The following FBXL7 variants were observed in gnomAD, a reference collection of about 807,000 sequenced individuals.
The protein encoded by FBXL7 is F-box and leucine rich repeat protein 7, also known as F-box/LRR-repeat protein 7.
A neutral mutation model predicts 38.3 loss-of-function variants in FBXL7; 12 were observed. The ratio of observed to expected loss-of-function variants is 0.31; its 90% CI spans 0.20 to 0.51. The LOEUF (loss-of-function observed/expected upper bound fraction) is 0.51. Among genes scored for constraint, FBXL7 ranks in the 20% least tolerant of loss-of-function variants. The pLI is 0.98. For synonymous variants in FBXL7, 297 were observed against 300.9 expected, an observed-to-expected ratio of 0.99 and a Z score of 0.13; for missense variants, 567 against 676.4, an observed-to-expected ratio of 0.84 and a Z score of 1.79.
chr5:15,832,950 T>A (rs936885110), intron 2 of FBXL7, among the ~76,000 whole-genome samples: 1 of 152,040 alleles, frequency 6.6e-6, no homozygotes, highest in Non-Finnish European at 1.5e-5. Flanking sequence ...GCTATTCTCA[T>A]GATAGTGAAT....
intron 2 of FBXL7, among the ~76,000 whole-genome samples, chr5:15,801,658 C>T (rs6887642): frequency 0.66 from 79,810 of 121,278 alleles, 22,169 homozygotes; most frequent in Middle Eastern, 0.7. Flanking sequence ...TGTGTGTGTG[C>T]GCGCGCGCGT....
rs1301314745 is a variant in FBXL7 at position 15,939,704 on chromosome 5, T to A, written c.*2518T>A. The A allele has an allele frequency of 6.6e-6, 1 of 152,668 alleles. No individual in the cohort carries two copies. The highest frequency in any genetic ancestry group is 1.5e-5 in the Non-Finnish European group (1 of 68,050). The allele number at this position is 152,668 out of a possible 1,614,324, so 9.5% of individuals were successfully genotyped here. A position where few individuals can be genotyped will look rare whatever the true frequency, so the allele number is the denominator to read the frequency against. ...GAATGCTCATTGTTTGTTGTTGTTG[T>A]TTTTTAATTCTAATGTTCAAATCAC... is the stretch of plus-strand genomic sequence containing the variant. On this transcript the variant is annotated 3_prime_UTR_variant, in exon 4 of 4. Transcript: ENST00000504595.
chr5:15,583,544 A>G (rs915257821), intron 1 of FBXL7, among the ~76,000 whole-genome samples: 7 of 152,200 alleles, frequency 4.6e-5, no homozygotes, highest in Non-Finnish European at 1.0e-4. Context: ...TGGCCAAAAC[A>G]AAGGGGCTGT....
chr5:15,526,574 T>C (rs1023962237), intron 1 of FBXL7, among the ~76,000 whole-genome samples: 4 of 152,162 alleles, frequency 2.6e-5, no homozygotes, highest in Admixed American at 2.6e-4. Context: ...AGAGCCCTTA[T>C]TCAAAACAGA....
At chr5:15,915,941 G>C (rs1366021334) in intron 2 of FBXL7, among the ~76,000 whole-genome samples, 1 of 152,166 alleles carries the variant, frequency 6.6e-6, no homozygotes, top group Non-Finnish European at 1.5e-5. Context: ...GGACTGATTA[G>C]ATATAGGTAG....
At chr5:15,659,101 C>T (rs1741977036) in intron 2 of FBXL7, among the ~76,000 whole-genome samples, 1 of 152,130 alleles carries the variant, frequency 6.6e-6, no homozygotes. Flanking sequence ...ATAAATTACA[C>T]AGTCTCGGAT....
chr5:15,578,200 T>C (rs1739029263), intron 1 of FBXL7, among the ~76,000 whole-genome samples: 1 of 152,154 alleles, frequency 6.6e-6, no homozygotes, highest in African/African-American at 2.4e-5. Context: ...ATAGAGAAAT[T>C]TCTGCAACTT....
intron 2 of FBXL7, among the ~76,000 whole-genome samples, chr5:15,753,219 A>T (rs182596191): frequency 1.3e-5 from 2 of 152,116 alleles, no homozygotes; most frequent in African/African-American, 4.8e-5. Context: ...GATGAATTCA[A>T]TGAGCGCTTC....
chr5:15,876,200 G>A (rs1289839144), intron 2 of FBXL7, among the ~76,000 whole-genome samples: 1 of 151,926 alleles, frequency 6.6e-6, no homozygotes, highest in South Asian at 2.1e-4. Flanking sequence ...GTTGAACAAT[G>A]AGAACACATG....
intron 2 of FBXL7, among the ~76,000 whole-genome samples, chr5:15,878,375 G>C (rs978746060): frequency 6.6e-6 from 1 of 152,118 alleles, no homozygotes; most frequent in Non-Finnish European, 1.5e-5. Context: ...TTTCTGAGCT[G>C]TTAACCAAAT....
chr5:15,649,338 T>G (rs938262740), intron 2 of FBXL7, among the ~76,000 whole-genome samples: 1 of 152,192 alleles, frequency 6.6e-6, no homozygotes, highest in Non-Finnish European at 1.5e-5. Context: ...TAATTTGACA[T>G]TGGAAATCTA....
chr5:15,801,832 C>A (rs1027370023), intron 2 of FBXL7, among the ~76,000 whole-genome samples: 2 of 148,690 alleles, frequency 1.3e-5, no homozygotes, highest in African/African-American at 5.0e-5. Context: ...TTCCATATTT[C>A]GGGGGGGGCG....
intron 1 of FBXL7, among the ~76,000 whole-genome samples, chr5:15,506,779 C>T (rs952296460): frequency 5.3e-5 from 8 of 151,588 alleles, no homozygotes; most frequent in African/African-American, 1.9e-4. Flanking sequence ...AGGGTTCTAC[C>T]CTTGTAACCT....
intron 2 of FBXL7, among the ~76,000 whole-genome samples, chr5:15,749,393 A>G (rs1028327231): frequency 3.3e-5 from 5 of 152,096 alleles, no homozygotes; most frequent in East Asian, 3.9e-4. Context: ...TTGTGAAGCC[A>G]AGGCGGGCGA....
chr5:15,676,582 G>A (rs1742662069), intron 2 of FBXL7, among the ~76,000 whole-genome samples: 1 of 152,188 alleles, frequency 6.6e-6, no homozygotes, highest in South Asian at 2.1e-4. Context: ...ATTTCTTACA[G>A]AGACAGAAAG....
intron 1 of FBXL7, among the ~76,000 whole-genome samples, chr5:15,576,855 TTATC>T (rs1677489965): frequency 6.6e-6 from 1 of 152,136 alleles, no homozygotes; most frequent in African/African-American, 2.4e-5. Flanking sequence ...GATTATCTGT[TTATC>T]TGTCTGTCTT....
intron 2 of FBXL7, among the ~76,000 whole-genome samples, chr5:15,670,823 A>G (rs1045166836): frequency 8.2e-6 from 1 of 121,926 alleles, no homozygotes; most frequent in Non-Finnish European, 2.0e-5. Context: ...AATAAAAATA[A>G]AAAAAAAATA....
At chr5:15,924,632 C>CT (rs34865383) in intron 2 of FBXL7, among the ~76,000 whole-genome samples, 2,482 of 119,996 alleles carry the variant, frequency 0.021, 47 homozygotes, top group South Asian at 0.069. Flanking sequence ...TCTCATTATT[C>CT]TTTTTTTTTT....
At chr5:15,654,572 T>C (rs1011676722) in intron 2 of FBXL7, among the ~76,000 whole-genome samples, 3 of 152,218 alleles carry the variant, frequency 2.0e-5, no homozygotes, top group Non-Finnish European at 4.4e-5. Context: ...GTCATTTTTG[T>C]CTCGAATTTA....
Sources: allele counts gnomAD v4.1 joint callset (sites outside exome capture counted in the v4.1 genomes callset), GRCh38; gene constraint gnomAD v4.1.1; transcripts MANE v1.5; gene names NCBI Gene and HGNC (gene_info 2026-07-23, HGNC 2026-07-21).